The following SDHAF3 variants were observed in gnomAD, a reference collection of about 807,000 sequenced individuals.
SDHAF3 encodes succinate dehydrogenase assembly factor 3, mitochondrial.
SDHAF3 carries 18 observed loss-of-function variants against 11.5 expected under a neutral mutation model. The ratio of observed to expected loss-of-function variants is 1.56; its 90% CI spans 1.08 to 2.32. The LOEUF (loss-of-function observed/expected upper bound fraction) is 2.32, where lower values mean the gene tolerates loss of function less well. Among genes scored for constraint, SDHAF3 ranks in the 30% most tolerant of loss-of-function variants. The pLI is 0.00. For synonymous variants in SDHAF3, 72 were observed against 59.3 expected (o/e 1.21, Z -0.99); for missense variants, 200 against 154.4 (o/e 1.30, Z -1.57).
chr7:97,167,554 A>G (rs948913253), intron 1 of SDHAF3, among the ~76,000 whole-genome samples: 3 of 152,194 alleles, frequency 2.0e-5, no homozygotes, highest in Non-Finnish European at 4.4e-5. Context: ...CCATAGAGAA[A>G]GAGTAATTCA....
At chr7:97,151,787 CCA>C (rs1789228550) in intron 1 of SDHAF3, among the ~76,000 whole-genome samples, 1 of 152,124 alleles carries the variant, frequency 6.6e-6, no homozygotes, top group Non-Finnish European at 1.5e-5. Context: ...GCATGAGCCA[CCA>C]CGCTCGGCCA....
In SDHAF3 at chr7:97,181,754, C is replaced by CAAAGT. The variant is rs1447917312; in HGVS notation, c.*541_*545dup. 1 of 152,866 alleles carries CAAAGT rather than the reference C, an allele frequency of 6.5e-6. No homozygotes were observed. Among genetic ancestry groups the CAAAGT allele is most frequent in the African/African-American group, 2.4e-5 (1 of 41,426 alleles). 9.5% of individuals were successfully genotyped at this position (152,866 alleles called of 1,614,324 possible). A position where few individuals can be genotyped will look rare whatever the true frequency, so the allele number is the denominator to read the frequency against. ...TCAATCATTTGTATAATAAACTATACAAAGTATAATACGTTTCCTCCAGTG... is the reference window on the plus strand; with the variant it reads ...TCAATCATTTGTATAATAAACTATACAAAGTAAAGTATAATACGTTTCCTCCAGTG... On this transcript the variant is annotated 3_prime_UTR_variant, in exon 2 of 2. Transcript: ENST00000432641.
chr7:97,129,466 A>G (rs1791632326), intron 1 of SDHAF3, among the ~76,000 whole-genome samples: 1 of 152,106 alleles, frequency 6.6e-6, no homozygotes, highest in Non-Finnish European at 1.5e-5. Context: ...CTTGTTCTCT[A>G]GTCATTATGG....
intron 1 of SDHAF3, among the ~76,000 whole-genome samples, chr7:97,146,571 T>C (rs576302238): frequency 4.6e-5 from 7 of 152,190 alleles, no homozygotes; most frequent in Non-Finnish European, 1.0e-4. Flanking sequence ...TTTTTTTCTC[T>C]GAAGAATACA....
intron 1 of SDHAF3, among the ~76,000 whole-genome samples, chr7:97,143,999 TA>T (rs1226196363): frequency 1.1e-4 from 16 of 152,264 alleles, no homozygotes; most frequent in Admixed American, 9.8e-4. Flanking sequence ...CAACATCTAT[TA>T]TTTTTTTATT....
At chr7:97,164,014 C>T (rs994122851) in intron 1 of SDHAF3, among the ~76,000 whole-genome samples, 60 of 150,956 alleles carry the variant, frequency 4.0e-4, no homozygotes, top group African/African-American at 1.4e-3. Context: ...GTGGCGCGAT[C>T]GCAGGTCACT....
At chr7:97,119,603 GCTGTTAACTACAGA>G (rs1462494313) in intron 1 of SDHAF3, among the ~76,000 whole-genome samples, 3 of 151,850 alleles carry the variant, frequency 2.0e-5, no homozygotes, top group African/African-American at 7.3e-5. Flanking sequence ...TTGCTACAAT[GCTGTTAACTACAGA>G]CTTTATTTAC....
intron 1 of SDHAF3, among the ~76,000 whole-genome samples, chr7:97,129,862 G>A (rs1275395447): frequency 1.3e-5 from 2 of 152,088 alleles, no homozygotes; most frequent in South Asian, 2.1e-4. Context: ...GTGAGCAAGC[G>A]AGTGTGGGAT....
At chr7:97,164,770 A>T (rs115878959) in intron 1 of SDHAF3, among the ~76,000 whole-genome samples, 2,902 of 152,254 alleles carry the variant, frequency 0.019, 31 homozygotes, top group Middle Eastern at 0.048. Context: ...CTAGTGGTGG[A>T]GATTTGAAGT....
chr7:97,171,146 C>G (rs888282635), intron 1 of SDHAF3, among the ~76,000 whole-genome samples: 1 of 151,964 alleles, frequency 6.6e-6, no homozygotes, highest in South Asian at 2.1e-4. Context: ...GTTTTTGCTC[C>G]TCTAGGAGGC....
At chr7:97,128,124 C>T (rs1791604950) in intron 1 of SDHAF3, among the ~76,000 whole-genome samples, 1 of 151,990 alleles carries the variant, frequency 6.6e-6, no homozygotes, top group South Asian at 2.1e-4. Flanking sequence ...TCTCAAACTC[C>T]TGACACCAAG....
intron 1 of SDHAF3, among the ~76,000 whole-genome samples, chr7:97,133,514 T>C (rs78824838): frequency 0.11 from 16,302 of 152,210 alleles, 884 homozygotes; most frequent in Middle Eastern, 0.16. Context: ...TTCGTTGCCC[T>C]TTTTTCCTGA....
intron 1 of SDHAF3, among the ~76,000 whole-genome samples, chr7:97,157,005 C>T (rs1453062348): frequency 6.6e-6 from 1 of 151,928 alleles, no homozygotes; most frequent in Non-Finnish European, 1.5e-5. Flanking sequence ...CTCCCTGTGT[C>T]CATGTATTCT....
chr7:97,165,906 G>A (rs1250115933), intron 1 of SDHAF3, among the ~76,000 whole-genome samples: 1 of 152,164 alleles, frequency 6.6e-6, no homozygotes, highest in African/African-American at 2.4e-5. Context: ...GTCTTGGCAT[G>A]ATCCTGTGTC....
At chr7:97,177,849 A>G (rs191533742) in intron 1 of SDHAF3, among the ~76,000 whole-genome samples, 28 of 152,140 alleles carry the variant, frequency 1.8e-4, no homozygotes, top group African/African-American at 6.8e-4. Context: ...TACATACTTA[A>G]CATTTATAGT....
At chr7:97,169,363 T>C (rs16869281) in intron 1 of SDHAF3, among the ~76,000 whole-genome samples, 62 of 67,144 alleles carry the variant, frequency 9.2e-4, no homozygotes, top group African/African-American at 3.1e-3. Flanking sequence ...TTACCCCAAA[T>C]TGAACTGTGT....
In SDHAF3 at chr7:97,143,223, A is replaced by G. The variant is rs142664337; in HGVS notation, c.174+25326A>G. ...TTCTTAAATTCTTCTAAGAATATTTACTTTGTTTAAAAACTGGATTAATCT... is the reference window on the plus strand; with the variant it reads ...TTCTTAAATTCTTCTAAGAATATTTGCTTTGTTTAAAAACTGGATTAATCT... On this transcript the variant is annotated intron_variant, in intron 1 of 1. Coordinates refer to ENST00000432641, the MANE Select transcript of SDHAF3 (RefSeq NM_020186.3). Among the ~76,000 whole-genome samples the G allele has an allele frequency of 2.5e-3, 376 of 152,194 alleles. 1 individual carries two copies. Among genetic ancestry groups the G allele is most frequent in the African/African-American group, 8.9e-3 (369 of 41,512 alleles).
intron 1 of SDHAF3, among the ~76,000 whole-genome samples, chr7:97,125,919 G>A (rs567072410): frequency 1.3e-5 from 2 of 152,298 alleles, no homozygotes; most frequent in South Asian, 4.1e-4. Context: ...AAGCATTCTG[G>A]TTTTTGGAAT....
chr7:97,124,206 C>T (rs905288469), intron 1 of SDHAF3, among the ~76,000 whole-genome samples: 13 of 152,212 alleles, frequency 8.5e-5, no homozygotes, highest in Admixed American at 7.8e-4. Flanking sequence ...CTGTTTTTTG[C>T]ATATGGCTAG....
Sources: allele counts gnomAD v4.1 joint callset (sites outside exome capture counted in the v4.1 genomes callset), GRCh38; gene constraint gnomAD v4.1.1; transcripts MANE v1.5; gene names NCBI Gene and HGNC (gene_info 2026-07-23, HGNC 2026-07-21).